Variants in RAB11FIP4 observed in about 807,000 individuals in gnomAD.
RAB11FIP4 encodes rab11 family-interacting protein 4.
In RAB11FIP4, 23 loss-of-function variants were observed where a neutral mutation model predicts 74.3. The ratio of observed to expected loss-of-function variants is 0.31; its 90% confidence interval spans 0.22 to 0.44. RAB11FIP4 has a LOEUF of 0.44. Ranked by LOEUF, RAB11FIP4 falls within the 20% of genes least tolerant of loss-of-function variation. The probability of loss-of-function intolerance (pLI) is 1.00; values close to 1 mark genes in which losing one functional copy is unlikely to be tolerated. For synonymous variants in RAB11FIP4, 360 were observed against 359.9 expected (o/e 1.00, Z 0.00); for missense variants, 630 against 863.9 (o/e 0.73, Z 3.39).
intron 1 of RAB11FIP4, among the ~76,000 whole-genome samples, chr17:31,403,929 A>G (rs546229601): frequency 9.6e-4 from 146 of 152,272 alleles, no homozygotes; most frequent in African/African-American, 3.3e-3. Context: ...CGCAGATCAG[A>G]AGTAGGTCTG....
chr17:31,399,579 G>C (rs1242527903), intron 1 of RAB11FIP4, among the ~76,000 whole-genome samples: 2 of 151,600 alleles, frequency 1.3e-5, no homozygotes, highest in African/African-American at 4.9e-5. Context: ...CGGGCGTGGT[G>C]GCATGCGCCT....
In RAB11FIP4 at chr17:31,530,311, T is replaced by C. The variant is rs779066675; in HGVS notation, c.1654-15T>C. 1.9e-6 allele frequency: 3 copies of C among 1,613,080 alleles called. No homozygotes were observed. The African/African-American group carries it at 4.0e-5, about 21-fold the overall frequency. On this transcript the variant is annotated splice_polypyrimidine_tract_variant and intron_variant, in intron 13 of 14. Transcript: ENST00000621161. ...CCTCTTGGGGTTGATGTCGCCTTCG[T>C]CCTTCTCTCTGTAGGAGAATTATAA...
At chr17:31,484,993 C>T (rs905498267) in intron 3 of RAB11FIP4, among the ~76,000 whole-genome samples, 10 of 152,242 alleles carry the variant, frequency 6.6e-5, no homozygotes, top group African/African-American at 2.2e-4. Flanking sequence ...CCCCGGCACC[C>T]ATGCACAGAA....
chr17:31,511,548 T>C (rs758345782), intron 3 of RAB11FIP4, among the ~76,000 whole-genome samples: 9 of 152,216 alleles, frequency 5.9e-5, no homozygotes, highest in Non-Finnish European at 1.0e-4. Flanking sequence ...GGTTCTGACA[T>C]GTAAATCCCC....
chr17:31,477,150 G>T (rs971542722), intron 3 of RAB11FIP4, among the ~76,000 whole-genome samples: 8 of 152,248 alleles, frequency 5.3e-5, no homozygotes, highest in Admixed American at 5.2e-4. Context: ...ACAATTGCGG[G>T]GGACTCTGCT....
chr17:31,477,263 A>C (rs768284182), intron 3 of RAB11FIP4, among the ~76,000 whole-genome samples: 1 of 152,192 alleles, frequency 6.6e-6, no homozygotes, highest in African/African-American at 2.4e-5. Context: ...GGAGGCCGCT[A>C]AATCTGAGAC....
chr17:31,409,477 A>G (rs562019879), intron 1 of RAB11FIP4, among the ~76,000 whole-genome samples: 2 of 152,238 alleles, frequency 1.3e-5, no homozygotes, highest in South Asian at 4.2e-4. Flanking sequence ...GCGGCAGTCC[A>G]CCCAAATCAC....
chr17:31,512,355 A>C lies in RAB11FIP4; in HGVS notation c.337-5296A>C, dbSNP rs1037530130. Among the ~76,000 whole-genome samples, 1 of 152,134 alleles carries C rather than the reference A, an allele frequency of 6.6e-6. No homozygotes were observed. ...TGCTCACAAAGGTGGTCACTTGTCC[A>C]AGGTCACATGGCTTGTAAGTGGCTG... On this transcript the variant is annotated intron_variant, in intron 3 of 14. Coordinates refer to ENST00000621161, the MANE Select transcript of RAB11FIP4 (RefSeq NM_032932.6). This position sits in a 1 kb window ranked among gnomAD's most constrained non-coding sequence, Gnocchi z 4.1.
chr17:31,515,586 C>T (rs1207076976), intron 3 of RAB11FIP4, among the ~76,000 whole-genome samples: 2 of 152,072 alleles, frequency 1.3e-5, no homozygotes, highest in Non-Finnish European at 2.9e-5. Flanking sequence ...CGCTGAGCAG[C>T]TTCTTCAGCT....
intron 3 of RAB11FIP4, among the ~76,000 whole-genome samples, chr17:31,441,131 TC>T (rs2071403567): frequency 6.6e-6 from 1 of 151,986 alleles, no homozygotes; most frequent in African/African-American, 2.4e-5. Flanking sequence ...TCCAAGCGAT[TC>T]CCCTGCCTCA....
chr17:31,472,146 G>C (rs560826748), intron 3 of RAB11FIP4, among the ~76,000 whole-genome samples: 1 of 137,298 alleles, frequency 7.3e-6, no homozygotes, highest in East Asian at 2.3e-4. Flanking sequence ...TGGGCAAAAA[G>C]AGCAAAAGTC....
At chr17:31,414,271 C>T (rs1216813566) in intron 1 of RAB11FIP4, among the ~76,000 whole-genome samples, 7 of 152,230 alleles carry the variant, frequency 4.6e-5, no homozygotes, top group Non-Finnish European at 5.9e-5. Flanking sequence ...ATGCTATTCC[C>T]GAGGCTATTT....
At chr17:31,453,536 T>C (rs540448506) in intron 3 of RAB11FIP4, among the ~76,000 whole-genome samples, 1 of 151,832 alleles carries the variant, frequency 6.6e-6, no homozygotes, top group Non-Finnish European at 1.5e-5. Context: ...ACTCGTGTCT[T>C]CCTCCCAGGG....
rs58083480 is a variant in RAB11FIP4 at position 31,464,749 on chromosome 17, CTTTTTTTTTTTTTT to C, written c.336+30643_336+30656del. The stretch of plus-strand genomic sequence containing the variant: ...TACAGGCATGAGCCACTGTGCCCGG[CTTTTTTTTTTTTTT>C]TTTTTTTTTTTTTTTGAGACAAGGT... On this transcript the variant is annotated intron_variant, in intron 3 of 14. Transcript: ENST00000621161. 4.2e-3 allele frequency among the ~76,000 whole-genome samples: 166 copies of C among 39,644 alleles called. 1 individual carries two copies. Among genetic ancestry groups the C allele is most frequent in the Middle Eastern group, 0.033 (1 of 30 alleles). The allele number at this position is 39,644 out of a possible 152,430, so 26.0% of individuals were successfully genotyped here. A position where few individuals can be genotyped will look rare whatever the true frequency, so the allele number is the denominator to read the frequency against.
intron 1 of RAB11FIP4, among the ~76,000 whole-genome samples, chr17:31,410,074 C>A (rs143945096): frequency 6.6e-6 from 1 of 152,254 alleles, no homozygotes; most frequent in East Asian, 1.9e-4. Flanking sequence ...CGATACTGTT[C>A]CCCTGAGAGG....
At chr17:31,498,220 C>A (rs2072152889) in intron 3 of RAB11FIP4, among the ~76,000 whole-genome samples, 1 of 152,190 alleles carries the variant, frequency 6.6e-6, no homozygotes, top group Non-Finnish European at 1.5e-5. Flanking sequence ...CTCACCTGTC[C>A]CCACTGCGAG....
At chr17:31,491,585 T>C (rs2072009563) in intron 3 of RAB11FIP4, among the ~76,000 whole-genome samples, 1 of 152,058 alleles carries the variant, frequency 6.6e-6, no homozygotes, top group South Asian at 2.1e-4. Context: ...GGTGGGACGG[T>C]GGCTGGCATG....
chr17:31,536,600 C>T lies in RAB11FIP4; in HGVS notation c.*4868C>T, dbSNP rs145131978. On this transcript the variant is annotated 3_prime_UTR_variant, in exon 15 of 15. Transcript: ENST00000621161. ...CGCTGCTGGCTAGGAAGACTGAGGT[C>T]TGCTGCGCCAAGGGGCCTCAAGTTA... is the stretch of plus-strand genomic sequence containing the variant. 1.8e-3 allele frequency: 303 copies of T among 168,722 alleles called. 1 individual carries two copies. Among genetic ancestry groups the T allele is most frequent in the Middle Eastern group, 5.0e-3 (2 of 398 alleles). The allele number at this position is 168,722 out of a possible 1,614,324, so 10.5% of individuals were successfully genotyped here. A position where few individuals can be genotyped will look rare whatever the true frequency, so the allele number is the denominator to read the frequency against.
chr17:31,461,536 C>T (rs1316032828), intron 3 of RAB11FIP4, among the ~76,000 whole-genome samples: 1 of 152,302 alleles, frequency 6.6e-6, no homozygotes, highest in East Asian at 1.9e-4. Context: ...GCCAGGGCAA[C>T]CTTTCTTCAG....
Sources: allele counts gnomAD v4.1 joint callset (sites outside exome capture counted in the v4.1 genomes callset), GRCh38; gene constraint gnomAD v4.1.1; non-coding constraint Gnocchi (gnomAD v3.1); transcripts MANE v1.5; gene names NCBI Gene and HGNC (gene_info 2026-07-23, HGNC 2026-07-21).